Variants in EDDM13 observed in about 807,000 individuals in gnomAD.
EDDM13 encodes epididymal protein 13.
In EDDM13, 24 loss-of-function variants were observed where a neutral mutation model predicts 17.8. That is an observed-to-expected ratio of 1.35 (90% CI 0.98 to 1.90). The LOEUF is 1.90. Ranked by LOEUF, EDDM13 falls within the 40% of genes most tolerant of loss-of-function variation. The pLI, the probability that EDDM13 is intolerant of heterozygous loss-of-function variation, is 0.00. For synonymous variants in EDDM13, 31 were observed against 37.5 expected, an observed-to-expected ratio of 0.83 and a Z score of 0.63; for missense variants, 97 against 100.8, an observed-to-expected ratio of 0.96 and a Z score of 0.16.
intron 1 of EDDM13, chr19:56,274,535 G>A (rs769183630): frequency 1.3e-5 from 2 of 151,616 alleles, no homozygotes; most frequent in Non-Finnish European, 2.9e-5. Context: ...TTTTAGACTT[G>A]AGGAAAAGTC....
chr19:56,292,208 C>T (rs564629713), intron 9 of EDDM13, among the ~76,000 whole-genome samples: 1 of 152,222 alleles, frequency 6.6e-6, no homozygotes, highest in African/African-American at 2.4e-5. Flanking sequence ...CTGTTTGCCA[C>T]ATGTGGGTAA....
intron 13 of EDDM13, among the ~76,000 whole-genome samples, chr19:56,304,051 C>T (rs1421479264): frequency 3.9e-5 from 6 of 152,080 alleles, no homozygotes; most frequent in East Asian, 1.9e-4. Flanking sequence ...AGTGGACAGC[C>T]GCCAGCAAGA....
At chr19:56,274,318 G>T (rs10775566) in intron 1 of EDDM13, among the ~76,000 whole-genome samples, 62,883 of 151,592 alleles carry the variant, frequency 0.41, 14,258 homozygotes, top group Non-Finnish European at 0.51. Flanking sequence ...TCCAGGCATG[G>T]TAGTAGGGGC....
At chr19:56,301,828 G>A in intron 12 of EDDM13, 140 bp from the exon 13 acceptor site, 1 of 958,290 alleles carries the variant, frequency 1.0e-6, no homozygotes, top group South Asian at 5.5e-5. Flanking sequence ...CAGTGATGGT[G>A]GGTGTGGACC....
chr19:56,283,287 T>A (rs1489956894), intron 4 of EDDM13: 1 of 152,156 alleles, frequency 6.6e-6, no homozygotes, highest in Non-Finnish European at 1.5e-5. Flanking sequence ...TACTTCATAT[T>A]ACTATTTCTA....
At chr19:56,281,992 T>C (rs1357724234) in intron 3 of EDDM13, among the ~76,000 whole-genome samples, 1 of 152,196 alleles carries the variant, frequency 6.6e-6, no homozygotes, top group African/African-American at 2.4e-5. Context: ...GAAATAGCTT[T>C]GATCAGATTT....
chr19:56,279,237 T>A (rs2038493445), intron 2 of EDDM13, among the ~76,000 whole-genome samples: 1 of 152,068 alleles, frequency 6.6e-6, no homozygotes, highest in Non-Finnish European at 1.5e-5. Context: ...TGGATGATAC[T>A]TCGAGAATTT....
At chr19:56,305,194 G>A (rs2040603829) in intron 14 of EDDM13, among the ~76,000 whole-genome samples, 1 of 152,116 alleles carries the variant, frequency 6.6e-6, no homozygotes, top group East Asian at 1.9e-4. Flanking sequence ...CCACTAATCT[G>A]TTTCCAGAAT....
chr19:56,275,214 G>A (rs1355872320), intron 1 of EDDM13, among the ~76,000 whole-genome samples: 2 of 152,082 alleles, frequency 1.3e-5, no homozygotes, highest in African/African-American at 4.8e-5. Context: ...GAGGCTATGC[G>A]AATACCCTGT....
rs115648753 is a variant in EDDM13, at chr19:56,291,917, G to A, written c.232+1071G>A. Among the ~76,000 whole-genome samples the A allele has an allele frequency of 9.5e-3, 1,451 of 152,266 alleles. 20 individuals are homozygous for A. The highest frequency in any genetic ancestry group is 0.033 in the African/African-American group (1,385 of 41,544). ...AAAGAGCTTTCTAGGTGCCAGGCGC[G>A]AGGCACCAGAGCAGCACTTTTCAAT... is the stretch of plus-strand genomic sequence containing the variant. On this transcript the variant is annotated intron_variant, in intron 9 of 14. Coordinates refer to ENST00000649256, the MANE Select transcript of EDDM13 (RefSeq NM_001354658.2).
At chr19:56,302,600 C>CCCCCCTTCCTTTTCTTCCTCACCCTT (rs1568726800) in intron 13 of EDDM13, among the ~76,000 whole-genome samples, 1 of 70,862 alleles carries the variant, frequency 1.4e-5, no homozygotes, top group Non-Finnish European at 2.9e-5. Context: ...TCCTCTCCCT[C>CCCCCCTTCCTTTTCTTCCTCACCCTT]TTCTTCCTCT....
chr19:56,276,506 C>CTTTTT (rs3059506), intron 2 of EDDM13, among the ~76,000 whole-genome samples: 52,413 of 138,538 alleles, frequency 0.38, 10,967 homozygotes, highest in Non-Finnish European at 0.48. Context: ...CTAAAGAGCT[C>CTTTTT]TTTTTTTTTT....
At chr19:56,276,662 G>A (rs954013530) in intron 2 of EDDM13, among the ~76,000 whole-genome samples, 6 of 151,826 alleles carry the variant, frequency 4.0e-5, no homozygotes, top group Admixed American at 1.3e-4. Flanking sequence ...TCAGCCTCCC[G>A]AGTAGCTGGG....
chr19:56,272,842 G>T lies in EDDM13; in HGVS notation c.8G>T (p.Arg3Ile). The T allele has an allele frequency of 1.0e-6, 1 of 985,094 alleles. No homozygotes were observed. Among genetic ancestry groups the T allele is most frequent in the South Asian group, 4.7e-5 (1 of 21,270 alleles). 61.0% of individuals were successfully genotyped at this position (985,094 alleles called of 1,614,324 possible). MH[R>I]SEPFLKMSLL... ...CCAAATCCCAGCCCCATCATGCACA[G>T]ATCAGAGCCATTTCTGAAAATGTCG... Residue 3 changes from arginine (R) to isoleucine (I), a missense_variant, in exon 1 of 15, where the codon AGA (arginine) becomes ATA (isoleucine). Physicochemically the swap from Arg to Ile is moderately conservative, Grantham distance 97 (BLOSUM62 -3). Transcript: ENST00000649256.
At chr19:56,298,501 A>C (rs2040023897) in intron 12 of EDDM13, among the ~76,000 whole-genome samples, 1 of 151,894 alleles carries the variant, frequency 6.6e-6, no homozygotes, top group African/African-American at 2.4e-5. Context: ...AAATACAAAA[A>C]AATTAGCCAG....
intron 6 of EDDM13, among the ~76,000 whole-genome samples, chr19:56,287,275 T>C (rs1158126360): frequency 6.6e-6 from 1 of 152,222 alleles, no homozygotes; most frequent in Non-Finnish European, 1.5e-5. Context: ...AGAAATGTGT[T>C]GTGGGAAACA....
intron 6 of EDDM13, among the ~76,000 whole-genome samples, chr19:56,287,702 G>C (rs1476246671): frequency 6.6e-6 from 1 of 152,192 alleles, no homozygotes. Context: ...CAGACTCATG[G>C]GGCTAGAAAT....
At chr19:56,283,664 G>A (rs1022167889) in intron 4 of EDDM13, 1 of 152,174 alleles carries the variant, frequency 6.6e-6, no homozygotes, top group Admixed American at 6.5e-5. Flanking sequence ...TGAGGAAATG[G>A]AGACTTCTAG....
chr19:56,297,775 G>C (rs562769161), intron 12 of EDDM13: 2 of 152,440 alleles, frequency 1.3e-5, no homozygotes, highest in Admixed American at 6.5e-5. Context: ...TTCTATCCCA[G>C]CTGCTGCTTC....
Sources: allele counts gnomAD v4.1 joint callset (sites outside exome capture counted in the v4.1 genomes callset), GRCh38; gene constraint gnomAD v4.1.1; transcripts MANE v1.5; gene names NCBI Gene and HGNC (gene_info 2026-07-23, HGNC 2026-07-21).